Variants in USP34 observed in about 807,000 individuals in gnomAD.
The protein encoded by USP34 is ubiquitin carboxyl-terminal hydrolase 34.
Under a neutral mutation model 460.3 loss-of-function variants are expected in USP34, and 70 were observed. The observed-to-expected ratio is 0.15, with a 90% CI of 0.13 to 0.19. USP34 has a LOEUF of 0.19. Ranked by LOEUF, USP34 falls within the 10% of genes least tolerant of loss-of-function variation. The pLI is 1.00. For missense variants in USP34, 3,985 were observed against 4,236.2 expected (o/e 0.94, Z 1.65); for synonymous variants, 1,647 against 1,405.3 (o/e 1.17, Z -3.85).
At position 61,229,393 on chromosome 2, in the gene USP34, G is replaced by A. The variant is rs551754861; in HGVS notation, c.7199+155C>T. Among the ~76,000 whole-genome samples the A allele has an allele frequency of 4.4e-4, 66 of 149,322 alleles. 1 individual carries two copies. The highest frequency in any genetic ancestry group is 1.5e-3 in the South Asian group (7 of 4,732). On this transcript the variant is annotated intron_variant, in intron 59 of 79. Coordinates refer to ENST00000398571, the MANE Select transcript of USP34 (RefSeq NM_014709.4). ...TCCTAGCAATTTGGGAGGCCGAGGC[G>A]GGCGGATCATTTGAACTTACGAGTT...
chr2:61,467,696 T>A (rs1867838), intron 1 of USP34, among the ~76,000 whole-genome samples: 5 of 143,578 alleles, frequency 3.5e-5, no homozygotes, highest in African/African-American at 5.2e-5. Context: ...CTCGGCTCAC[T>A]GCAACCTCCG....
At chr2:61,407,635 C>G (rs1693916813) in intron 2 of USP34, among the ~76,000 whole-genome samples, 1 of 152,192 alleles carries the variant, frequency 6.6e-6, no homozygotes, top group South Asian at 2.1e-4. Context: ...GAACTCACTT[C>G]TAGTGAATAG....
intron 11 of USP34, 72 bp from the exon 12 acceptor site, chr2:61,350,461 C>G (rs1691911785): frequency 1.2e-5 from 19 of 1,563,776 alleles, no homozygotes; most frequent in Admixed American, 5.9e-5. Flanking sequence ...TCCTTTTTGT[C>G]AAACTGAAAT....
intron 8 of USP34, among the ~76,000 whole-genome samples, chr2:61,374,986 T>C (rs558483305): frequency 6.6e-6 from 1 of 152,066 alleles, no homozygotes; most frequent in African/African-American, 2.4e-5. Flanking sequence ...CCCCACAGAA[T>C]ACCCCATACG....
chr2:61,190,547 A>T lies in USP34; in HGVS notation c.9700T>A (p.Tyr3234Asn). Residue 3234 changes from tyrosine (Y) to asparagine (N), a missense_variant, in exon 77 of 80, where the codon TAC (tyrosine) becomes AAC (asparagine). Physicochemically the swap from Tyr to Asn is moderately radical, Grantham distance 143. Transcript: ENST00000398571. ...AGAAGGAAATGTGTCATGAACGTGT[A>T]GACAATGTTGTTGTTTAAAAAAGTT... The part of the protein sequence containing the change: ...ERTFLNNNIV[Y>N]TFMTHFLLKV... 6.2e-7 allele frequency: 1 copy of T among 1,614,118 alleles called. No individual in the cohort carries two copies. Among genetic ancestry groups the T allele is most frequent in the African/African-American group, 1.3e-5 (1 of 75,060 alleles).
chr2:61,366,263 G>A (rs1456241981), intron 10 of USP34, among the ~76,000 whole-genome samples: 1 of 152,158 alleles, frequency 6.6e-6, no homozygotes, highest in Non-Finnish European at 1.5e-5. Flanking sequence ...AAAGAAAGTT[G>A]TAGCTCAGAG....
At position 61,221,370 on chromosome 2, in the gene USP34, C is replaced by G. The variant is rs570824950; in HGVS notation, c.7899+132G>C. 295 of 742,068 alleles carry G rather than the reference C, an allele frequency of 4.0e-4. 2 individuals carry two copies. The East Asian group carries it at 8.1e-3, about 20-fold the overall frequency. The allele number at this position is 742,068 out of a possible 1,614,324, so 46.0% of individuals were successfully genotyped here. A position where few individuals can be genotyped will look rare whatever the true frequency, so the allele number is the denominator to read the frequency against. On this transcript the variant is annotated intron_variant, in intron 66 of 79. Transcript: ENST00000398571. ...AGGAGACTAGCTAGGAACTCTTTTC[C>G]TCCCCAAACCTGTGACTTACTAAAA...
At chr2:61,328,339 A>G (rs1212550627) in intron 20 of USP34, among the ~76,000 whole-genome samples, 1 of 151,978 alleles carries the variant, frequency 6.6e-6, no homozygotes, top group Non-Finnish European at 1.5e-5. Flanking sequence ...ATAATATAAA[A>G]TCAAAAAACA....
chr2:61,339,336 T>A lies in USP34; in HGVS notation c.2744+15A>T, dbSNP rs747357670. ...CTTTGACTACTGCATTAAAAATTTT[T>A]AAATTCCTCTTTACCTGTTGTTTCC... On this transcript the variant is annotated intron_variant, in intron 18 of 79. Transcript: ENST00000398571. 8.1e-6 allele frequency: 13 copies of A among 1,597,746 alleles called. 1 individual carries two copies. In the South Asian group the frequency reaches 1.0e-4, roughly 13 times the overall value.
In USP34 at chr2:61,442,926, C is replaced by CACACACACAA. The variant is rs1553392406; in HGVS notation, c.44-22094_44-22093insTTGTGTGTGT. Among the ~76,000 whole-genome samples the CACACACACAA allele has an allele frequency of 3.3e-5, 5 of 151,746 alleles. 1 individual carries two copies. The highest frequency in any genetic ancestry group is 2.1e-4 in the South Asian group (1 of 4,786). On this transcript the variant is annotated intron_variant, in intron 1 of 79. Transcript: ENST00000398571. ...ACACACACACACACACACACACACA[C>CACACACACAA]ACACACACAGAGGAATATTATACAT...
intron 5 of USP34, among the ~76,000 whole-genome samples, chr2:61,386,871 C>T (rs1487768282): frequency 2.0e-5 from 3 of 152,088 alleles, no homozygotes; most frequent in Admixed American, 6.6e-5. Flanking sequence ...AAATGAAAAC[C>T]TTAACCATAA....
At chr2:61,372,024 G>A (rs1048709173) in intron 8 of USP34, among the ~76,000 whole-genome samples, 1 of 151,968 alleles carries the variant, frequency 6.6e-6, no homozygotes, top group Admixed American at 6.6e-5. Context: ...ATGTATCCCT[G>A]TCATTAAGTA....
intron 10 of USP34, among the ~76,000 whole-genome samples, chr2:61,356,501 A>G (rs1368763865): frequency 3.1e-5 from 2 of 65,230 alleles, no homozygotes; most frequent in Non-Finnish European, 7.0e-5. Flanking sequence ...ACACACACAT[A>G]CACACACACA....
chr2:61,342,578 C>T (rs1691639600), intron 16 of USP34, among the ~76,000 whole-genome samples: 2 of 151,978 alleles, frequency 1.3e-5, no homozygotes, highest in Admixed American at 6.6e-5. Flanking sequence ...TTCCAAAGTG[C>T]TGGGATTATA....
rs561394879 is a variant in USP34 at position 61,394,806 on chromosome 2, G to A, written c.753+47C>T. On this transcript the variant is annotated intron_variant, in intron 5 of 79. Transcript: ENST00000398571. The stretch of plus-strand genomic sequence containing the variant: ...AGCATAAAATTCATGTTACTGATAT[G>A]CTAGACATTGCTCCCAAAATTAAGA... 7 of 1,402,038 alleles carry A rather than the reference G, an allele frequency of 5.0e-6. No individual in the cohort carries two copies. The Admixed American group carries it at 1.8e-4, about 36-fold the overall frequency. The allele number at this position is 1,402,038 out of a possible 1,614,324, so 86.8% of individuals were successfully genotyped here.
Position 61,350,768 on chromosome 2 carries a change from T to C in USP34, c.1252-75A>G, listed in dbSNP as rs573617108. The C allele has an allele frequency of 2.0e-4, 295 of 1,484,044 alleles. 2 individuals carry two copies. The African/African-American group carries it at 3.5e-3, about 18-fold the overall frequency. The allele number at this position is 1,484,044 out of a possible 1,614,324, so 91.9% of individuals were successfully genotyped here. Reference sequence around the variant, plus strand: ...GTAGATTACCTGATATAAAAACAGTTTGAAAGTCAAAAAGTTGGCCAGTAC... The same window carrying C: ...GTAGATTACCTGATATAAAAACAGTCTGAAAGTCAAAAAGTTGGCCAGTAC... On this transcript the variant is annotated intron_variant, in intron 10 of 79. Coordinates refer to ENST00000398571, the MANE Select transcript of USP34 (RefSeq NM_014709.4).
In USP34 at chr2:61,314,713, A is replaced by G; in HGVS notation, c.3414T>C (p.Phe1138=). ...GKTGLEKEQE[F]ISKCMESLMI... ...TAAGACTCTCCATGCACTTACTAAT[A>G]AATTCTTGCTCCTTCTCCAAACCTG... Residue 1138 remains phenylalanine, a synonymous_variant, in exon 25 of 80, where the codon TTT becomes TTC. Transcript: ENST00000398571. 1 of 1,588,462 alleles carries G rather than the reference A, an allele frequency of 6.3e-7. No individual in the cohort carries two copies. The highest frequency in any genetic ancestry group is 8.5e-7 in the Non-Finnish European group (1 of 1,171,492).
intron 27 of USP34, among the ~76,000 whole-genome samples, chr2:61,302,242 G>A (rs1363638608): frequency 2.6e-5 from 4 of 152,266 alleles, no homozygotes; most frequent in African/African-American, 7.2e-5. Flanking sequence ...AAACTCCACT[G>A]AACAGACACT....
At chr2:61,406,284 A>G (rs1693867432) in intron 2 of USP34, among the ~76,000 whole-genome samples, 156 bp from the exon 3 acceptor site, 1 of 152,134 alleles carries the variant, frequency 6.6e-6, no homozygotes, top group Admixed American at 6.6e-5. Context: ...TAAAGATAGC[A>G]TCGCAACAAC....
Sources: allele counts gnomAD v4.1 joint callset (sites outside exome capture counted in the v4.1 genomes callset), GRCh38; gene constraint gnomAD v4.1.1; transcripts MANE v1.5; gene names NCBI Gene and HGNC (gene_info 2026-07-23, HGNC 2026-07-21).